Variants in KCNJ13 observed in about 807,000 individuals in gnomAD.
The protein encoded by KCNJ13 is potassium inwardly rectifying channel subfamily J member 13, also known as inward rectifier potassium channel 13.
Under a neutral mutation model 24.6 loss-of-function variants are expected in KCNJ13, and 9 were observed. That is an observed-to-expected ratio of 0.37 (90% CI 0.22 to 0.64). KCNJ13 has a LOEUF of 0.64. Ranked by LOEUF, KCNJ13 falls within the 30% of genes least tolerant of loss-of-function variation. KCNJ13 has a pLI of 0.64. For synonymous variants in KCNJ13, 148 were observed against 154.7 expected, an observed-to-expected ratio of 0.96 and a Z score of 0.32; for missense variants, 337 against 443.8, an observed-to-expected ratio of 0.76 and a Z score of 2.16.
intron 2 of KCNJ13, among the ~76,000 whole-genome samples, chr2:232,770,329 A>T (rs145498913): frequency 6.6e-6 from 1 of 152,224 alleles, no homozygotes; most frequent in African/African-American, 2.4e-5. Flanking sequence ...GCAAAATTTC[A>T]TAATCTTTGT....
intron 1 of KCNJ13, among the ~76,000 whole-genome samples, chr2:232,771,586 A>G (rs1259997769): frequency 4.6e-5 from 7 of 152,126 alleles, no homozygotes; most frequent in Non-Finnish European, 8.8e-5. Context: ...TATCTCTTCT[A>G]TTGTTTCTTT....
chr2:232,768,552 A>G lies in KCNJ13; in HGVS notation c.722T>C (p.Leu241Pro), dbSNP rs143607153. The G allele has an allele frequency of 6.2e-7, 1 of 1,614,178 alleles. No individual in the cohort carries two copies. The change falls in exon 3 of 3, where the codon CTA (leucine) becomes CCA (proline). Residue 241 changes from leucine to proline, a missense_variant. This residue lies in a region of KCNJ13 where 235 missense variants were observed against 286.9 expected (regional missense o/e 0.82). Coordinates refer to ENST00000233826, the MANE Select transcript of KCNJ13 (RefSeq NM_002242.4). The stretch of plus-strand genomic sequence containing the variant: ...TGGTGTAATGGAGTGATAGTACGTT[A>G]GTGGAAAGATGAAGAATGGACATTC... Reference protein sequence around the residue: ...SDECPFFIFPLTYYHSITPSS... With the variant: ...SDECPFFIFPPTYYHSITPSS...
chr2:232,769,474 C>A (rs946084897), intron 2 of KCNJ13, among the ~76,000 whole-genome samples: 10 of 147,064 alleles, frequency 6.8e-5, no homozygotes, highest in African/African-American at 2.3e-4. Context: ...GCACTGCACT[C>A]CAGCCTGGGC....
intron 2 of KCNJ13, among the ~76,000 whole-genome samples, chr2:232,770,140 G>C (rs1388343301): frequency 1.3e-5 from 2 of 152,168 alleles, no homozygotes; most frequent in Non-Finnish European, 2.9e-5. Flanking sequence ...GCAGGTTATA[G>C]AGCTGGTTGG....
Position 232,768,369 on chromosome 2 carries a change from A to G in KCNJ13, c.905T>C (p.Leu302Pro), listed in dbSNP as rs954056272. 15 of 1,614,136 alleles carry G rather than the reference A, an allele frequency of 9.3e-6. No homozygotes were observed. In the Middle Eastern group the frequency reaches 5.0e-4, roughly 53 times the overall value. ...TTCACCTTTGGAACCTCGGGTCAAC[A>G]GAGATGCAAAACAGTGATGTAACAT... ...EIMLHHCFAS[L>P]LTRGSKGEYQ... Residue 302 changes from leucine (L) to proline (P), a missense_variant, in exon 3 of 3, where the codon CTG becomes CCG. This residue lies in a region of KCNJ13 where 235 missense variants were observed against 286.9 expected (regional missense o/e 0.82). Coordinates refer to ENST00000233826, the MANE Select transcript of KCNJ13 (RefSeq NM_002242.4).
chr2:232,771,506 C>G (rs1699245137), intron 1 of KCNJ13, 128 bp from the exon 2 acceptor site: 1 of 585,412 alleles, frequency 1.7e-6, no homozygotes, highest in African/African-American at 1.9e-5. Flanking sequence ...AACTCTCTCG[C>G]TTTTCTCTTC....
Position 232,767,140 on chromosome 2 carries a change from G to A in KCNJ13, c.*1051C>T, listed in dbSNP as rs1397455484. ...GTTCATCTAGTCCAACCTCCTACTG[G>A]TGAATAAACACTGATTTTGTGTTTA... On this transcript the variant is annotated 3_prime_UTR_variant, in exon 3 of 3. Coordinates refer to ENST00000233826, the MANE Select transcript of KCNJ13 (RefSeq NM_002242.4). 1 of 152,080 alleles carries A rather than the reference G, an allele frequency of 6.6e-6. No homozygotes were observed. Among genetic ancestry groups the A allele is most frequent in the Non-Finnish European group, 1.5e-5 (1 of 68,008 alleles). 9.4% of individuals were successfully genotyped at this position (152,080 alleles called of 1,614,324 possible). A position where few individuals can be genotyped will look rare whatever the true frequency, so the allele number is the denominator to read the frequency against.
chr2:232,768,452 C>T lies in KCNJ13; in HGVS notation c.822G>A (p.Met274Ile), dbSNP rs1165633120. Residue 274 changes from methionine to isoleucine, a missense_variant, in exon 3 of 3, where the codon ATG (methionine) becomes ATA (isoleucine). Physicochemically the swap from Met to Ile is conservative, Grantham distance 10 (BLOSUM62 1). This residue lies in a region of KCNJ13 where 235 missense variants were observed against 286.9 expected (regional missense o/e 0.82). Coordinates refer to ENST00000233826, the MANE Select transcript of KCNJ13 (RefSeq NM_002242.4). ...HFELVVFLSA[M>I]QEGTGEICQR... The stretch of plus-strand genomic sequence containing the variant: ...GGCATATTTCTCCAGTGCCCTCCTG[C>T]ATTGCTGAAAGGAATACAACTAATT... 1 of 1,614,206 alleles carries T rather than the reference C, an allele frequency of 6.2e-7. No homozygotes were observed. Among genetic ancestry groups the T allele is most frequent in the Non-Finnish European group, 8.5e-7 (1 of 1,180,022 alleles).
chr2:232,775,890 A>G (rs1432752343), intron 1 of KCNJ13, among the ~76,000 whole-genome samples: 1 of 152,214 alleles, frequency 6.6e-6, no homozygotes, highest in Non-Finnish European at 1.5e-5. Context: ...TGCCCTCCAC[A>G]ATTAGGGCAA....
In KCNJ13 at chr2:232,768,176, A is replaced by C; in HGVS notation, c.*15T>G. The C allele has an allele frequency of 6.2e-7, 1 of 1,613,506 alleles. No individual in the cohort carries two copies. The highest frequency in any genetic ancestry group is 8.5e-7 in the Non-Finnish European group (1 of 1,179,562). The stretch of plus-strand genomic sequence containing the variant: ...CTGGCTGGGTGTATTTAATACATTA[A>C]AAAATGGATAAGTCTTATTCTGTCA... On this transcript the variant is annotated 3_prime_UTR_variant, in exon 3 of 3. Transcript: ENST00000233826.
At chr2:232,769,636 CT>C (rs1328442390) in intron 2 of KCNJ13, among the ~76,000 whole-genome samples, 3 of 151,932 alleles carry the variant, frequency 2.0e-5, no homozygotes, top group Non-Finnish European at 2.9e-5. Flanking sequence ...TTCAGTGCAC[CT>C]TTCAGGTCTA....
chr2:232,768,673 T>C lies in KCNJ13; in HGVS notation c.601A>G (p.Ser201Gly), dbSNP rs745631910. The C allele has an allele frequency of 6.2e-7, 1 of 1,612,102 alleles. No homozygotes were observed. The stretch of plus-strand genomic sequence containing the variant: ...TAGAGTACAGCTGAGACCCGGACAC[T>C]GGTTAGAGGGCTAGGTCGGGTGTTG... ...VANTRPSPLT[S>G]VRVSAVLYQE... The change falls in exon 3 of 3, where the codon AGT (serine) becomes GGT (glycine). Residue 201 changes from serine to glycine, a missense_variant. Coordinates refer to ENST00000233826, the MANE Select transcript of KCNJ13 (RefSeq NM_002242.4).
chr2:232,773,829 C>G (rs769190009), intron 1 of KCNJ13, among the ~76,000 whole-genome samples: 6 of 145,836 alleles, frequency 4.1e-5, no homozygotes, highest in Non-Finnish European at 8.9e-5. Context: ...CCCAGCACTT[C>G]GGGAGGCCGA....
chr2:232,768,045 A>T lies in KCNJ13; in HGVS notation c.*146T>A. The T allele has an allele frequency of 1.3e-6, 1 of 744,834 alleles. No homozygotes were observed. Among genetic ancestry groups the T allele is most frequent in the East Asian group, 2.6e-5 (1 of 38,402 alleles). The allele number at this position is 744,834 out of a possible 1,614,324, so 46.1% of individuals were successfully genotyped here. A position where few individuals can be genotyped will look rare whatever the true frequency, so the allele number is the denominator to read the frequency against. On this transcript the variant is annotated 3_prime_UTR_variant, in exon 3 of 3. Coordinates refer to ENST00000233826, the MANE Select transcript of KCNJ13 (RefSeq NM_002242.4). ...TTTCCAGAATGTGTATTGTTAGCTCAGCCATTCTTATGTAGGCATAGGCAT... is the reference window on the plus strand; with the variant it reads ...TTTCCAGAATGTGTATTGTTAGCTCTGCCATTCTTATGTAGGCATAGGCAT...
rs935334877 is a variant in KCNJ13 at position 232,765,904 on chromosome 2, C to T, written c.*2287G>A. The T allele has an allele frequency of 4.3e-6, 2 of 469,344 alleles. No individual in the cohort carries two copies. The highest frequency in any genetic ancestry group is 4.0e-5 in the African/African-American group (2 of 49,872). 29.1% of individuals were successfully genotyped at this position (469,344 alleles called of 1,614,324 possible). A position where few individuals can be genotyped will look rare whatever the true frequency, so the allele number is the denominator to read the frequency against. On this transcript the variant is annotated 3_prime_UTR_variant, in exon 3 of 3. Coordinates refer to ENST00000233826, the MANE Select transcript of KCNJ13 (RefSeq NM_002242.4). ...CTATCTTTATCAGTTTCCAAAGGAACGTTTAAAGTTAGTTCCGAAGTAGTC... is the reference window on the plus strand; with the variant it reads ...CTATCTTTATCAGTTTCCAAAGGAATGTTTAAAGTTAGTTCCGAAGTAGTC...
chr2:232,770,801 T>G, intron 2 of KCNJ13, 102 bp downstream of exon 2: 1 of 787,616 alleles, frequency 1.3e-6, no homozygotes, highest in Non-Finnish European at 2.1e-6. Flanking sequence ...AATTATTCTG[T>G]AACAGCATTA....
intron 2 of KCNJ13, among the ~76,000 whole-genome samples, chr2:232,769,183 TAG>T (rs1453309410): frequency 6.6e-6 from 1 of 152,166 alleles, no homozygotes; most frequent in Non-Finnish European, 1.5e-5. Context: ...TACGTTGAAG[TAG>T]AGACTAGGTT....
At position 232,768,123 on chromosome 2, in the gene KCNJ13, A is replaced by G. The variant is rs1048157859; in HGVS notation, c.*68T>C. 1 of 1,497,666 alleles carries G rather than the reference A, an allele frequency of 6.7e-7. No homozygotes were observed. The highest frequency in any genetic ancestry group is 1.4e-5 in the African/African-American group (1 of 72,666). The allele number at this position is 1,497,666 out of a possible 1,614,324, so 92.8% of individuals were successfully genotyped here. A position where few individuals can be genotyped will look rare whatever the true frequency, so the allele number is the denominator to read the frequency against. On this transcript the variant is annotated 3_prime_UTR_variant, in exon 3 of 3. Transcript: ENST00000233826. Reference sequence around the variant, plus strand: ...TAGCATTGAAAAAAGAAAACATGAGATACAGTAAAGAAAAAGTAGCTGCAT... The same window carrying G: ...TAGCATTGAAAAAAGAAAACATGAGGTACAGTAAAGAAAAAGTAGCTGCAT...
chr2:232,776,069 CT>C (rs1699499234), intron 1 of KCNJ13, among the ~76,000 whole-genome samples: 1 of 146,126 alleles, frequency 6.8e-6, no homozygotes, highest in Non-Finnish European at 1.5e-5. Flanking sequence ...GTGGCTTATT[CT>C]TTTGGCATTT....
Sources: gnomAD v4.1 joint callset for allele counts (sites outside exome capture counted in the v4.1 genomes callset) on GRCh38, gnomAD v4.1.1 for gene constraint, gnomAD v4.1.1 regional missense constraint, MANE v1.5 for transcripts, NCBI Gene and HGNC (gene_info 2026-07-23, HGNC 2026-07-21) for gene names.